The following RYR2 variants were observed in gnomAD, a reference collection of about 807,000 sequenced individuals.
The protein encoded by RYR2 is ryanodine receptor 2, also known as cardiac muscle ryanodine receptor-calcium release channel.
Under a neutral mutation model 601.1 loss-of-function variants are expected in RYR2, and 227 were observed. The observed-to-expected ratio is 0.38, with a 90% CI of 0.34 to 0.42. The LOEUF (loss-of-function observed/expected upper bound fraction) is 0.42, where lower values mean the gene tolerates loss of function less well. RYR2 is among the 10% of genes least tolerant of loss of function. RYR2 has a pLI of 1.00. For missense variants in RYR2, 4,646 were observed against 6,156.5 expected, an observed-to-expected ratio of 0.75 and a Z score of 8.21; for synonymous variants, 2,223 against 2,175.1, an observed-to-expected ratio of 1.02 and a Z score of -0.61.
intron 101 of RYR2, among the ~76,000 whole-genome samples, chr1:237,827,964 A>G (rs1478974412): frequency 1.3e-5 from 2 of 149,036 alleles, no homozygotes; most frequent in Non-Finnish European, 3.0e-5. Context: ...AAAAAAAAAA[A>G]AAGACTTGAG....
chr1:237,060,593 T>C (rs1662714714), intron 1 of RYR2, among the ~76,000 whole-genome samples: 1 of 152,220 alleles, frequency 6.6e-6, no homozygotes, highest in African/African-American at 2.4e-5. Context: ...TTCCAAAGGT[T>C]ACTACTCTAT....
At chr1:237,479,272 TACCATTCTGC>T (rs772813088) in intron 17 of RYR2, among the ~76,000 whole-genome samples, 2 of 152,244 alleles carry the variant, frequency 1.3e-5, no homozygotes, top group Non-Finnish European at 2.9e-5. Context: ...CACAACTATA[TACCATTCTGC>T]ACACAGTGCC....
intron 1 of RYR2, among the ~76,000 whole-genome samples, chr1:237,095,534 T>G (rs186388341): frequency 7.9e-5 from 12 of 152,378 alleles, no homozygotes; most frequent in Admixed American, 4.6e-4. Flanking sequence ...ACAGCAGCAC[T>G]GCCGACATCT....
chr1:237,422,934 T>A (rs1054274574), intron 11 of RYR2, among the ~76,000 whole-genome samples, 158 bp from the exon 12 acceptor site: 1 of 152,256 alleles, frequency 6.6e-6, no homozygotes, highest in Non-Finnish European at 1.5e-5. Context: ...ATAGCCATTT[T>A]GTTATTTGTG....
intron 1 of RYR2, among the ~76,000 whole-genome samples, chr1:237,112,655 C>G (rs1200650819): frequency 1.3e-5 from 2 of 150,244 alleles, no homozygotes; most frequent in Non-Finnish European, 3.0e-5. Context: ...CTTTTTTGCT[C>G]TGATCCAGGC....
At chr1:237,521,124 C>G (rs991408163) in intron 24 of RYR2, among the ~76,000 whole-genome samples, 1 of 151,666 alleles carries the variant, frequency 6.6e-6, no homozygotes, top group Non-Finnish European at 1.5e-5. Context: ...TTATACCTAA[C>G]ATACATAGAA....
intron 74 of RYR2, 38 bp downstream of exon 74, chr1:237,723,300 C>A: frequency 6.4e-7 from 1 of 1,554,080 alleles, no homozygotes; most frequent in Non-Finnish European, 8.8e-7. Context: ...TTTGCCTTAG[C>A]CACATACAAA....
intron 14 of RYR2, among the ~76,000 whole-genome samples, chr1:237,452,730 T>A (rs7538336): frequency 0.15 from 22,171 of 151,170 alleles, 1,883 homozygotes; most frequent in Admixed American, 0.23. Flanking sequence ...TACTCTAGCA[T>A]AGTGTGATTC....
At chr1:237,331,721 G>A (rs9803963) in intron 3 of RYR2, among the ~76,000 whole-genome samples, 4,216 of 148,190 alleles carry the variant, frequency 0.028, 87 homozygotes, top group African/African-American at 0.064. Context: ...TCACCATGTT[G>A]GCCAGGATGG....
At chr1:237,222,447 T>A (rs1683924786) in intron 1 of RYR2, among the ~76,000 whole-genome samples, 1 of 151,314 alleles carries the variant, frequency 6.6e-6, no homozygotes, top group Admixed American at 6.6e-5. Context: ...GCCAGTGGAC[T>A]TGTTGGTGCA....
chr1:237,801,950 ACT>A (rs751736708), intron 98 of RYR2, 34 bp downstream of exon 98: 2 of 1,349,494 alleles, frequency 1.5e-6, no homozygotes, highest in South Asian at 2.3e-5. Flanking sequence ...AAGAAAATGC[ACT>A]CTGATTAGAT....
intron 5 of RYR2, among the ~76,000 whole-genome samples, chr1:237,369,107 G>A (rs1328151462): frequency 6.6e-6 from 1 of 152,074 alleles, no homozygotes; most frequent in Admixed American, 6.5e-5. Flanking sequence ...ACAGGCATGA[G>A]CCACCACGCC....
chr1:237,059,828 T>C (rs1202167990), intron 1 of RYR2, among the ~76,000 whole-genome samples: 1 of 152,240 alleles, frequency 6.6e-6, no homozygotes, highest in Non-Finnish European at 1.5e-5. Context: ...ATGAATGTAT[T>C]GGATGGAACC....
Position 237,503,298 on chromosome 1 carries a change from T to G in RYR2, c.2406T>G (p.Phe802Leu). The change falls in exon 22 of 105, where the codon TTT becomes TTG. Residue 802 changes from phenylalanine to leucine, a missense_variant. Around this residue, in one of 17 missense-constraint regions of RYR2, gnomAD observed 1,807 missense variants for 2,088.1 expected, o/e 0.87. Coordinates refer to ENST00000366574, the MANE Select transcript of RYR2 (RefSeq NM_001035.3). Reference sequence around the variant, plus strand: ...CGTGCATCCTCTTTAGAGTACGCTTTCTGCTTGGAGGGCGACATGGAGAAT... The same window carrying G: ...CGTGCATCCTCTTTAGAGTACGCTTGCTGCTTGGAGGGCGACATGGAGAAT... ...VSFSAGIKVR[F>L]LLGGRHGEFK... 1 of 1,607,248 alleles carries G rather than the reference T, an allele frequency of 6.2e-7. No homozygotes were observed. The highest frequency in any genetic ancestry group is 1.1e-5 in the South Asian group (1 of 90,114).
intron 1 of RYR2, among the ~76,000 whole-genome samples, chr1:237,155,554 A>G (rs769865294): frequency 1.4e-4 from 21 of 152,192 alleles, no homozygotes; most frequent in Non-Finnish European, 2.6e-4. Flanking sequence ...ATTGGAAACT[A>G]AAGGGAGATA....
chr1:237,830,542 A>G lies in RYR2; in HGVS notation c.14668A>G (p.Ile4890Val), dbSNP rs530324741. The G allele has an allele frequency of 1.2e-6, 2 of 1,603,080 alleles. No individual in the cohort carries two copies. The highest frequency in any genetic ancestry group is 1.3e-5 in the African/African-American group (1 of 74,794). ...CTTTGTTTTCTAGACCAAATGCTTC[A>G]TCTGTGGGATAGGCAATGATTACTT... ...VKEDMETKCF[I>V]CGIGNDYFDT... The change falls in exon 103 of 105, where the codon ATC becomes GTC. Residue 4890 changes from isoleucine to valine, a missense_variant. Ile to Val is a conservative substitution (Grantham distance 29, BLOSUM62 3). Coordinates refer to ENST00000366574, the MANE Select transcript of RYR2 (RefSeq NM_001035.3).
At chr1:237,137,172 G>GTGGTCCTC (rs1672887148) in intron 1 of RYR2, among the ~76,000 whole-genome samples, 2 of 152,124 alleles carry the variant, frequency 1.3e-5, no homozygotes, top group Admixed American at 6.6e-5. Flanking sequence ...GTGTATGTGT[G>GTGGTCCTC]TGGTCCTCAT....
chr1:237,773,765 C>A, intron 87 of RYR2, 117 bp downstream of exon 87: 1 of 753,150 alleles, frequency 1.3e-6, no homozygotes, highest in South Asian at 2.1e-5. Context: ...TTGCAAATTG[C>A]TACAATTAAA....
chr1:237,670,479 A>T (rs1159470285), intron 58 of RYR2, among the ~76,000 whole-genome samples: 1 of 152,232 alleles, frequency 6.6e-6, no homozygotes, highest in Non-Finnish European at 1.5e-5. Context: ...TGTTTGGCTC[A>T]TGGATGCATG....
Sources: allele counts gnomAD v4.1 joint callset (sites outside exome capture counted in the v4.1 genomes callset), GRCh38; gene constraint gnomAD v4.1.1; regional missense constraint gnomAD v4.1.1; transcripts MANE v1.5; gene names NCBI Gene and HGNC (gene_info 2026-07-23, HGNC 2026-07-21).